FBXL17: variants seen among roughly 807,000 people sequenced by gnomAD.
The protein encoded by FBXL17 is F-box and leucine rich repeat protein 17.
Under a neutral mutation model 66.2 loss-of-function variants are expected in FBXL17, and 22 were observed. The ratio of observed to expected loss-of-function variants is 0.33; its 90% CI spans 0.24 to 0.47. The LOEUF is 0.47. Among genes scored for constraint, FBXL17 ranks in the 20% least tolerant of loss-of-function variants. The pLI is 1.00. For missense variants in FBXL17, 878 were observed against 948.2 expected (o/e 0.93, Z 0.97); for synonymous variants, 474 against 400.5 (o/e 1.18, Z -2.19).
At position 108,381,578 on chromosome 5, in the gene FBXL17, T is replaced by G. The variant is rs917634131; in HGVS notation, c.114A>C (p.Pro38=). 1.5e-4 allele frequency: 218 copies of G among 1,449,514 alleles called. No individual in the cohort carries two copies. Among genetic ancestry groups the G allele is most frequent in the Non-Finnish European group, 1.9e-4 (209 of 1,108,672 alleles). 89.8% of individuals were successfully genotyped at this position (1,449,514 alleles called of 1,614,324 possible). The change falls in exon 1 of 9, where the codon CCA becomes CCC. Residue 38 remains proline (P), a synonymous_variant. Coordinates refer to ENST00000542267, the MANE Select transcript of FBXL17 (RefSeq NM_001163315.3). ...RPLLRLPRRT[P]AKVPPQPAAP... is the part of the protein sequence containing the mutation. ...CCGCCGGCTGAGGGGGCACCTTGGC[T>G]GGGGTCCGGCGGGGCAGCCTGAGGA...
rs1237164810 is a variant in FBXL17 at position 107,861,498 on chromosome 5, G to A, written c.*222C>T. 2.8e-6 allele frequency: 1 copy of A among 362,328 alleles called. No homozygotes were observed. Among genetic ancestry groups the A allele is most frequent in the Admixed American group, 4.7e-5 (1 of 21,400 alleles). The allele number at this position is 362,328 out of a possible 1,614,324, so 22.4% of individuals were successfully genotyped here. A position where few individuals can be genotyped will look rare whatever the true frequency, so the allele number is the denominator to read the frequency against. On this transcript the variant is annotated 3_prime_UTR_variant, in exon 9 of 9. Coordinates refer to ENST00000542267, the MANE Select transcript of FBXL17 (RefSeq NM_001163315.3). ...TGAAGTTAAAAACTAAAAAGTTTGT[G>A]GCTTTCATAATCTTTAATTTCTAAG...
intron 6 of FBXL17, among the ~76,000 whole-genome samples, chr5:108,063,134 A>AT (rs1205646476): frequency 7.2e-5 from 11 of 151,872 alleles, no homozygotes; most frequent in Admixed American, 3.9e-4. Context: ...TTTTAAGTTC[A>AT]TTTTTTTTGT....
chr5:107,914,387 TC>T (rs1198774615), intron 7 of FBXL17, among the ~76,000 whole-genome samples: 1 of 152,210 alleles, frequency 6.6e-6, no homozygotes, highest in Non-Finnish European at 1.5e-5. Flanking sequence ...GGATAAACTT[TC>T]CCCAACTCAT....
At chr5:107,924,483 A>G (rs1380142956) in intron 7 of FBXL17, among the ~76,000 whole-genome samples, 1 of 152,202 alleles carries the variant, frequency 6.6e-6, no homozygotes, top group Non-Finnish European at 1.5e-5. Context: ...GAAGGTTTAG[A>G]TTATTCAGAA....
At chr5:108,128,645 C>T (rs1047213993) in intron 6 of FBXL17, among the ~76,000 whole-genome samples, 2 of 151,964 alleles carry the variant, frequency 1.3e-5, no homozygotes, top group African/African-American at 4.8e-5. Flanking sequence ...ATTAAAATAC[C>T]AAATTCAACA....
chr5:108,217,321 A>AG (rs1754648505), intron 5 of FBXL17, among the ~76,000 whole-genome samples: 4 of 152,142 alleles, frequency 2.6e-5, no homozygotes, highest in African/African-American at 4.8e-5. Context: ...TCCCAGCATT[A>AG]TCTCAGACAA....
intron 7 of FBXL17, among the ~76,000 whole-genome samples, chr5:108,009,339 C>G (rs200605035): frequency 9.6e-6 from 1 of 103,700 alleles, no homozygotes; most frequent in African/African-American, 3.7e-5. Flanking sequence ...TTTTGTTTTT[C>G]ATATATATAT....
chr5:108,344,529 C>G (rs1309449259), intron 4 of FBXL17, among the ~76,000 whole-genome samples: 1 of 151,890 alleles, frequency 6.6e-6, no homozygotes, highest in Non-Finnish European at 1.5e-5. Context: ...ATAACGCATA[C>G]AGATCTACAT....
rs536685484 is a variant in FBXL17 at position 108,146,767 on chromosome 5, C to T, written c.1745+39350G>A. Reference sequence around the variant, plus strand: ...AAGCTGTATCCTGGGGGTGGGGACACTCAAATCACAGGCTAGGGACCCCCC... The same window carrying T: ...AAGCTGTATCCTGGGGGTGGGGACATTCAAATCACAGGCTAGGGACCCCCC... On this transcript the variant is annotated intron_variant, in intron 6 of 8. Transcript: ENST00000542267. 5.3e-5 allele frequency among the ~76,000 whole-genome samples: 8 copies of T among 152,220 alleles called. 1 individual carries two copies. In the South Asian group the frequency reaches 1.7e-3, roughly 32 times the overall value.
chr5:107,978,307 T>A (rs1449484567), intron 7 of FBXL17, among the ~76,000 whole-genome samples: 1 of 152,030 alleles, frequency 6.6e-6, no homozygotes, highest in Non-Finnish European at 1.5e-5. Flanking sequence ...GCAGGGATGA[T>A]AACAATCCCT....
chr5:108,262,839 G>C (rs1756893821), intron 4 of FBXL17, among the ~76,000 whole-genome samples: 1 of 152,112 alleles, frequency 6.6e-6, no homozygotes, highest in Non-Finnish European at 1.5e-5. Context: ...TCTATGACTA[G>C]CTCAATTAAT....
chr5:108,211,189 C>A (rs1232270517), intron 5 of FBXL17, among the ~76,000 whole-genome samples: 3 of 152,064 alleles, frequency 2.0e-5, no homozygotes, highest in African/African-American at 7.2e-5. Flanking sequence ...ATTCCTCCAT[C>A]CCTTCCCTTT....
chr5:107,961,520 T>A (rs1751908775), intron 7 of FBXL17, among the ~76,000 whole-genome samples: 2 of 152,012 alleles, frequency 1.3e-5, no homozygotes, highest in Non-Finnish European at 2.9e-5. Context: ...AGGCACCACA[T>A]CTGGCCAGGC....
At chr5:108,213,904 T>C (rs1342155741) in intron 5 of FBXL17, among the ~76,000 whole-genome samples, 1 of 152,238 alleles carries the variant, frequency 6.6e-6, no homozygotes, top group Non-Finnish European at 1.5e-5. Flanking sequence ...TAATATATTC[T>C]AGACATAGTT....
chr5:108,181,555 T>C (rs1753004143), intron 6 of FBXL17, among the ~76,000 whole-genome samples: 1 of 152,178 alleles, frequency 6.6e-6, no homozygotes, highest in Non-Finnish European at 1.5e-5. Context: ...TTTCAATTAC[T>C]ACATATTTTA....
intron 6 of FBXL17, among the ~76,000 whole-genome samples, chr5:108,057,639 T>C (rs996681652): frequency 1.3e-5 from 2 of 152,162 alleles, no homozygotes; most frequent in Non-Finnish European, 1.5e-5. Context: ...ATGAAAGAAC[T>C]TGTATACAAA....
chr5:108,364,956 G>C lies in FBXL17; in HGVS notation c.1156C>G (p.Gln386Glu). ...GAAATGTTGATTTCAATTATATTCT[G>C]ACTTCTTGATGCAATTTTTTCCAAC... Reference protein sequence around the residue: ...ELLEKIASRSQNIIEINISDC... With the variant: ...ELLEKIASRSENIIEINISDC... Residue 386 changes from glutamine (Q) to glutamate (E), a missense_variant, in exon 3 of 9, where the codon CAG becomes GAG. Around this residue, in one of 4 missense-constraint regions of FBXL17, gnomAD observed 236 missense variants for 389.1 expected, o/e 0.61. Transcript: ENST00000542267. 6.2e-7 allele frequency: 1 copy of C among 1,611,280 alleles called. No homozygotes were observed.
intron 4 of FBXL17, among the ~76,000 whole-genome samples, chr5:108,257,875 C>T (rs1032785686): frequency 2.6e-5 from 4 of 151,988 alleles, no homozygotes; most frequent in Admixed American, 2.6e-4. Context: ...AATCCTATGA[C>T]GTTGTGTATG....
intron 6 of FBXL17, among the ~76,000 whole-genome samples, chr5:108,069,093 A>G (rs2112859246): frequency 6.6e-6 from 1 of 152,250 alleles, no homozygotes; most frequent in East Asian, 1.9e-4. Context: ...ACATACACAC[A>G]CCCCTCACAG....
Sources: gnomAD v4.1 joint callset for allele counts (sites outside exome capture counted in the v4.1 genomes callset) on GRCh38, gnomAD v4.1.1 for gene constraint, gnomAD v4.1.1 regional missense constraint, MANE v1.5 for transcripts, NCBI Gene and HGNC (gene_info 2026-07-23, HGNC 2026-07-21) for gene names.